CMTM4: variants seen among roughly 807,000 people sequenced by gnomAD.
CMTM4 encodes the protein CKLF like MARVEL transmembrane domain containing 4.
In CMTM4, 8 loss-of-function variants were observed where a neutral mutation model predicts 19.0. The ratio of observed to expected loss-of-function variants is 0.42; its 90% CI spans 0.25 to 0.76. The LOEUF (loss-of-function observed/expected upper bound fraction) is 0.76, where lower values mean the gene tolerates loss of function less well. Among genes scored for constraint, CMTM4 ranks in the 30% least tolerant of loss-of-function variants. The pLI is 0.27. For missense variants in CMTM4, 228 were observed against 290.2 expected (o/e 0.79, Z 1.56); for synonymous variants, 106 against 121.1 (o/e 0.88, Z 0.82).
intron 1 of CMTM4, among the ~76,000 whole-genome samples, chr16:66,663,882 C>A (rs1049159394): frequency 1.3e-5 from 2 of 152,094 alleles, no homozygotes; most frequent in African/African-American, 4.8e-5. Flanking sequence ...CTGAGACTTT[C>A]TGTCTTTCTA....
At chr16:66,661,424 G>T (rs2016496940) in intron 1 of CMTM4, among the ~76,000 whole-genome samples, 1 of 152,220 alleles carries the variant, frequency 6.6e-6, no homozygotes, top group African/African-American at 2.4e-5. Flanking sequence ...TGTCAGTTAA[G>T]GATGAAGTAA....
intron 2 of CMTM4, among the ~76,000 whole-genome samples, chr16:66,631,145 C>G (rs1567407307): frequency 6.6e-6 from 1 of 151,920 alleles, no homozygotes; most frequent in Non-Finnish European, 1.5e-5. Flanking sequence ...TGCCCGGCAG[C>G]CACCCCGTCC....
chr16:66,617,774 C>CT lies in CMTM4; in HGVS notation c.*4283dup. 1 of 1,003,706 alleles carries CT rather than the reference C, an allele frequency of 1.0e-6. No homozygotes were observed. The highest frequency in any genetic ancestry group is 1.2e-6 in the Non-Finnish European group (1 of 841,886). 62.2% of individuals were successfully genotyped at this position (1,003,706 alleles called of 1,614,324 possible). ...CTGTCTGAGATGGCAGCCAAGCCAG[C>CT]TTCAGAGTCACCTGCTGGACCCACA... On this transcript the variant is annotated 3_prime_UTR_variant, in exon 4 of 4. Coordinates refer to ENST00000394106, the MANE Select transcript of CMTM4 (RefSeq NM_181521.3).
In CMTM4 at chr16:66,622,757, C is replaced by G. The variant is rs1350390764; in HGVS notation, c.463-535G>C. Among the ~76,000 whole-genome samples, 1 of 152,216 alleles carries G rather than the reference C, an allele frequency of 6.6e-6. No homozygotes were observed. The highest frequency in any genetic ancestry group is 1.5e-5 in the Non-Finnish European group (1 of 68,032). ...CATCCCACACCTGCCTCTCATGGGG[C>G]AGCTCCAAGTAAGCAGCTCCAGAGT... On this transcript the variant is annotated intron_variant, in intron 3 of 3. Coordinates refer to ENST00000394106, the MANE Select transcript of CMTM4 (RefSeq NM_181521.3). The surrounding 1 kb of genome is among the most constrained non-coding windows in gnomAD (Gnocchi z 4.0).
chr16:66,618,391 C>T lies in CMTM4; in HGVS notation c.*3667G>A, dbSNP rs1470633291. On this transcript the variant is annotated 3_prime_UTR_variant, in exon 4 of 4. Transcript: ENST00000394106. ...GACAATAGGAACCCTTAAATCATCACTGCCTTGCAGAATCACTAAATTGTT... is the reference window on the plus strand; with the variant it reads ...GACAATAGGAACCCTTAAATCATCATTGCCTTGCAGAATCACTAAATTGTT... 5 of 985,330 alleles carry T rather than the reference C, an allele frequency of 5.1e-6. No homozygotes were observed. The highest frequency in any genetic ancestry group is 9.4e-5 in the South Asian group (2 of 21,296). 61.0% of individuals were successfully genotyped at this position (985,330 alleles called of 1,614,324 possible).
chr16:66,686,202 C>G (rs1239034603), intron 1 of CMTM4, among the ~76,000 whole-genome samples: 1 of 150,446 alleles, frequency 6.6e-6, no homozygotes, highest in Non-Finnish European at 1.5e-5. Context: ...TGCAGTGAGC[C>G]GAGATCGCAC....
intron 1 of CMTM4, among the ~76,000 whole-genome samples, chr16:66,689,029 G>A (rs1365885071): frequency 1.3e-5 from 2 of 152,102 alleles, no homozygotes; most frequent in Non-Finnish European, 2.9e-5. Flanking sequence ...ATTAGTTCTA[G>A]GAGGTTTTTT....
downstream of CMTM4, chr16:66,612,466 C>T (rs1036479659): frequency 3.4e-5 from 26 of 759,096 alleles, no homozygotes; most frequent in Non-Finnish European, 5.4e-5. This position sits in a 1 kb window ranked among gnomAD's most constrained non-coding sequence, Gnocchi z 6.0. Flanking sequence ...CTGATGCCAG[C>T]GATCACTGGG....
Position 66,622,171 on chromosome 16 carries a change from C to G in CMTM4, c.514G>C (p.Val172Leu), listed in dbSNP as rs1276946243. Residue 172 changes from valine (V) to leucine (L), a missense_variant, in exon 4 of 4, where the codon GTG becomes CTG. Transcript: ENST00000394106. This position sits in a 1 kb window ranked among gnomAD's most constrained non-coding sequence, Gnocchi z 4.0. ...AAYAVNTFLA[V>L]QKWRVSVRQQ... The stretch of plus-strand genomic sequence containing the variant: ...CGGACGCTGACTCTCCATTTCTGCA[C>G]TGCCAGGAATGTGTTCACTGCATAT... The G allele has an allele frequency of 1.2e-6, 2 of 1,613,954 alleles. No individual in the cohort carries two copies. Among genetic ancestry groups the G allele is most frequent in the Non-Finnish European group, 1.7e-6 (2 of 1,179,960 alleles).
chr16:66,661,411 G>T (rs534830061), intron 1 of CMTM4, among the ~76,000 whole-genome samples: 2 of 152,286 alleles, frequency 1.3e-5, no homozygotes, highest in African/African-American at 4.8e-5. Context: ...GAGGCTAAAC[G>T]CTTGTCAGTT....
intron 1 of CMTM4, among the ~76,000 whole-genome samples, chr16:66,660,224 C>CA (rs1458949101): frequency 6.6e-6 from 1 of 151,670 alleles, no homozygotes; most frequent in East Asian, 1.9e-4. Context: ...TCCATCTCTA[C>CA]AAAAAAAGAA....
chr16:66,683,129 GTATATATATATA>G (rs751833787), intron 1 of CMTM4, among the ~76,000 whole-genome samples: 2 of 115,954 alleles, frequency 1.7e-5, no homozygotes, highest in African/African-American at 6.7e-5. Flanking sequence ...GTGTGTGTGT[GTATATATATATA>G]TATATGTATA....
chr16:66,611,682 G>T (rs1005192961), downstream of CMTM4, among the ~76,000 whole-genome samples: 1 of 152,036 alleles, frequency 6.6e-6, no homozygotes, highest in Non-Finnish European at 1.5e-5. Context: ...TGGGGTTGGG[G>T]GTTAGTGACT....
chr16:66,656,709 C>T (rs967112009), intron 1 of CMTM4, among the ~76,000 whole-genome samples: 1 of 151,646 alleles, frequency 6.6e-6, no homozygotes, highest in Non-Finnish European at 1.5e-5. Flanking sequence ...TCCCCTTAAC[C>T]AGGTTAAGAT....
chr16:66,608,202 T>G, the CMTM4 span: 1 of 1,259,368 alleles, frequency 7.9e-7, no homozygotes. This position sits in a 1 kb window ranked among gnomAD's most constrained non-coding sequence, Gnocchi z 5.1. Context: ...GCAGTTGGCT[T>G]CCCCTGCTGG....
chr16:66,619,679 C>A lies in CMTM4; in HGVS notation c.*2379G>T, dbSNP rs1168366991. The A allele has an allele frequency of 6.1e-6, 6 of 985,294 alleles. No individual in the cohort carries two copies. The East Asian group carries it at 4.5e-4, about 74-fold the overall frequency. 61.0% of individuals were successfully genotyped at this position (985,294 alleles called of 1,614,324 possible). ...AACTTTCGTCACCACGTGGTCTATACATGATGACATGTGCAACCACACATT... is the reference window on the plus strand; with the variant it reads ...AACTTTCGTCACCACGTGGTCTATAAATGATGACATGTGCAACCACACATT... On this transcript the variant is annotated 3_prime_UTR_variant, in exon 4 of 4. Transcript: ENST00000394106.
chr16:66,618,273 C>T lies in CMTM4; in HGVS notation c.*3785G>A, dbSNP rs1023291394. ...TTTCCCCTTTCTGATACCTGTTTAACGTCATTATTACTCTGTAAACAAGAT... is the reference window on the plus strand; with the variant it reads ...TTTCCCCTTTCTGATACCTGTTTAATGTCATTATTACTCTGTAAACAAGAT... On this transcript the variant is annotated 3_prime_UTR_variant, in exon 4 of 4. Transcript: ENST00000394106. The T allele has an allele frequency of 2.0e-6, 2 of 985,422 alleles. No homozygotes were observed. The highest frequency in any genetic ancestry group is 2.4e-6 in the Non-Finnish European group (2 of 829,926). The allele number at this position is 985,422 out of a possible 1,614,324, so 61.0% of individuals were successfully genotyped here.
intron 2 of CMTM4, among the ~76,000 whole-genome samples, chr16:66,633,132 A>AATATATATATATAAATATATATAAAT (rs1567408520): frequency 7.7e-6 from 1 of 129,848 alleles, no homozygotes; most frequent in Non-Finnish European, 1.6e-5. Context: ...TATATATATA[A>AATATATATATATAAATATATATAAAT]ATATATATAT....
intron 1 of CMTM4, among the ~76,000 whole-genome samples, chr16:66,643,729 T>G (rs2016138311): frequency 6.6e-6 from 1 of 152,166 alleles, no homozygotes; most frequent in African/African-American, 2.4e-5. Flanking sequence ...GGCAGTACTA[T>G]AAACAGCAAG....
Sources: gnomAD v4.1 joint callset for allele counts (sites outside exome capture counted in the v4.1 genomes callset) on GRCh38, gnomAD v4.1.1 for gene constraint, Gnocchi (gnomAD v3.1) non-coding constraint, MANE v1.5 for transcripts, NCBI Gene and HGNC (gene_info 2026-07-23, HGNC 2026-07-21) for gene names.